Variants in JMJD1C observed in about 807,000 individuals in gnomAD.
JMJD1C encodes the protein jumonji domain containing 1C, also known as jumonji domain-containing protein 1C.
In JMJD1C, 31 loss-of-function variants were observed where a neutral mutation model predicts 245.3. The observed-to-expected ratio is 0.13, with a 90% confidence interval of 0.09 to 0.17. The LOEUF is 0.17. JMJD1C is among the 10% of genes least tolerant of loss of function. The pLI, the probability that JMJD1C is intolerant of heterozygous loss-of-function variation, is 1.00. For synonymous variants in JMJD1C, 1,057 were observed against 1,017.4 expected (o/e 1.04, Z -0.74); for missense variants, 2,691 against 3,000.2 (o/e 0.90, Z 2.41).
intron 20 of JMJD1C, 131 bp downstream of exon 20, chr10:63,185,432 G>A (rs1844017619): frequency 1.5e-6 from 1 of 679,560 alleles, no homozygotes; most frequent in African/African-American, 1.8e-5. Context: ...ATGACGCTCA[G>A]CCTCAAGTTA....
intron 1 of JMJD1C, among the ~76,000 whole-genome samples, chr10:63,483,953 T>C (rs1198723984): frequency 1.3e-5 from 2 of 152,328 alleles, no homozygotes; most frequent in East Asian, 3.9e-4. Flanking sequence ...AAGCCTCTAA[T>C]AAGCATTTAG....
chr10:63,186,831 A>G (rs1245191533), intron 18 of JMJD1C, among the ~76,000 whole-genome samples: 1 of 152,204 alleles, frequency 6.6e-6, no homozygotes, highest in Non-Finnish European at 1.5e-5. Context: ...AAATTCCTGT[A>G]CTCTAATGAA....
intron 2 of JMJD1C, among the ~76,000 whole-genome samples, chr10:63,337,461 G>T (rs1461941326): frequency 2.6e-5 from 2 of 76,752 alleles, no homozygotes. Flanking sequence ...GAAGGCGGGG[G>T]GGGGGGAGGG....
upstream of JMJD1C, among the ~76,000 whole-genome samples, chr10:63,466,879 T>C (rs916770727): frequency 2.0e-5 from 3 of 152,226 alleles, no homozygotes; most frequent in African/African-American, 4.8e-5. Flanking sequence ...GATCAACTTA[T>C]TTGTTATAAA....
At position 63,189,706 on chromosome 10, in the gene JMJD1C, G is replaced by A. The variant is rs556154295; in HGVS notation, c.6292-260C>T. ...GGCCTGGGACAGAGAATACAAGTAGGTGGCATCCCTCATATACATTTTTTA... is the reference window on the plus strand; with the variant it reads ...GGCCTGGGACAGAGAATACAAGTAGATGGCATCCCTCATATACATTTTTTA... On this transcript the variant is annotated intron_variant, in intron 17 of 25. Coordinates refer to ENST00000399262, the MANE Select transcript of JMJD1C (RefSeq NM_032776.3). Among the ~76,000 whole-genome samples, 5 of 152,174 alleles carry A rather than the reference G, an allele frequency of 3.3e-5. No homozygotes were observed. In the South Asian group the frequency reaches 6.2e-4, roughly 19 times the overall value.
chr10:63,440,354 AT>A (rs1442237206), intron 1 of JMJD1C, among the ~76,000 whole-genome samples: 21 of 49,900 alleles, frequency 4.2e-4, no homozygotes, highest in Middle Eastern at 8.1e-3. Context: ...AAAAAAAAAA[AT>A]ATATATATAT....
intron 3 of JMJD1C, among the ~76,000 whole-genome samples, chr10:63,260,621 G>A (rs987015225): frequency 2.0e-5 from 3 of 151,524 alleles, no homozygotes; most frequent in African/African-American, 4.9e-5. Context: ...ATGTAGTCAC[G>A]CTCTGTTGCC....
Position 63,209,241 on chromosome 10 carries a change from A to G in JMJD1C, c.2695-6T>C. 6.3e-7 allele frequency: 1 copy of G among 1,576,594 alleles called. No individual in the cohort carries two copies. Among genetic ancestry groups the G allele is most frequent in the Middle Eastern group, 1.7e-4 (1 of 5,884 alleles). ...AGCCAAGGACTGGGAGAATTCTATTAACAAAACAAAACAAAAAAAACACCT... is the reference window on the plus strand; with the variant it reads ...AGCCAAGGACTGGGAGAATTCTATTGACAAAACAAAACAAAAAAAACACCT... On this transcript the variant is annotated splice_region_variant and splice_polypyrimidine_tract_variant and intron_variant, in intron 8 of 25. Coordinates refer to ENST00000399262, the MANE Select transcript of JMJD1C (RefSeq NM_032776.3).
At chr10:63,308,709 A>G (rs942198139) in intron 2 of JMJD1C, among the ~76,000 whole-genome samples, 2 of 151,068 alleles carry the variant, frequency 1.3e-5, no homozygotes, top group African/African-American at 4.8e-5. Context: ...GAAAACTAGA[A>G]AGCCAAAAAA....
At chr10:63,193,663 T>A (rs539181327) in intron 14 of JMJD1C, 191 bp from the exon 15 acceptor site, 1 of 420,672 alleles carries the variant, frequency 2.4e-6, no homozygotes, top group East Asian at 4.4e-5. Context: ...TTTATGTTTT[T>A]TTTGTTTTTT....
At chr10:63,375,555 T>TGTGC (rs1373139226) in intron 2 of JMJD1C, among the ~76,000 whole-genome samples, 10 of 150,956 alleles carry the variant, frequency 6.6e-5, no homozygotes, top group East Asian at 1.9e-4. Context: ...TGTGTGTGTG[T>TGTGC]GTGTGTAGTT....
intron 1 of JMJD1C, among the ~76,000 whole-genome samples, chr10:63,383,091 T>A (rs1233730656): frequency 6.6e-6 from 1 of 152,170 alleles, no homozygotes; most frequent in Non-Finnish European, 1.5e-5. Context: ...TATAAAGTTT[T>A]TAATTAACAT....
chr10:63,258,890 T>C (rs1326009819), intron 3 of JMJD1C, among the ~76,000 whole-genome samples: 1 of 152,170 alleles, frequency 6.6e-6, no homozygotes, highest in Non-Finnish European at 1.5e-5. Flanking sequence ...TAAAAAGTAA[T>C]GCTAGAGCAG....
At chr10:63,403,486 T>C (rs1170346131) in intron 1 of JMJD1C, among the ~76,000 whole-genome samples, 2 of 152,194 alleles carry the variant, frequency 1.3e-5, no homozygotes, top group Middle Eastern at 3.2e-3. Context: ...CACAATGTCT[T>C]TGAGCCTTAG....
intron 1 of JMJD1C, among the ~76,000 whole-genome samples, chr10:63,455,319 A>G (rs1227381503): frequency 6.6e-6 from 1 of 152,172 alleles, no homozygotes. Context: ...CCATTCAAAC[A>G]TGTTTCCTCC....
intron 2 of JMJD1C, among the ~76,000 whole-genome samples, chr10:63,265,957 TGTTTG>T (rs1421611949): frequency 2.6e-5 from 4 of 152,108 alleles, no homozygotes; most frequent in Non-Finnish European, 5.9e-5. Context: ...AACTTCAAGA[TGTTTG>T]GTTTGGAGTG....
Position 63,206,640 on chromosome 10 carries a change from T to C in JMJD1C, c.5029A>G (p.Ser1677Gly), listed in dbSNP as rs2133140148. ...TTCAGTTTACTTCTTTCTTTGGCAC[T>C]CCTGCTGAGAACTCCATTGGGTTTC... Reference protein sequence around the residue: ...DLKPNGVLSRSAKERSKLKLQ... With the variant: ...DLKPNGVLSRGAKERSKLKLQ... Residue 1677 changes from serine (S) to glycine (G), a missense_variant, in exon 10 of 26, where the codon AGT becomes GGT. Physicochemically the swap from Ser to Gly is moderately conservative, Grantham distance 56. Around this residue, in one of 9 missense-constraint regions of JMJD1C, gnomAD observed 144 missense variants for 143.3 expected, o/e 1.00. Transcript: ENST00000399262. 6.2e-7 allele frequency: 1 copy of C among 1,605,596 alleles called. No homozygotes were observed. The highest frequency in any genetic ancestry group is 2.2e-5 in the East Asian group (1 of 44,812).
intron 1 of JMJD1C, among the ~76,000 whole-genome samples, chr10:63,408,013 G>GA (rs1430515217): frequency 2.0e-5 from 3 of 151,970 alleles, no homozygotes; most frequent in Non-Finnish European, 4.4e-5. Context: ...ACGTAACAGA[G>GA]AAAAAAGAGA....
At chr10:63,406,683 A>G (rs1949191096) in intron 1 of JMJD1C, among the ~76,000 whole-genome samples, 1 of 152,142 alleles carries the variant, frequency 6.6e-6, no homozygotes, top group African/African-American at 2.4e-5. Flanking sequence ...ATTCTTAGGA[A>G]TAAAATAAAA....
Sources: gnomAD v4.1 joint callset for allele counts (sites outside exome capture counted in the v4.1 genomes callset) on GRCh38, gnomAD v4.1.1 for gene constraint, gnomAD v4.1.1 regional missense constraint, MANE v1.5 for transcripts, NCBI Gene and HGNC (gene_info 2026-07-23, HGNC 2026-07-21) for gene names.